Variants in RBM20 observed in about 807,000 individuals in gnomAD.
The protein encoded by RBM20 is RNA-binding protein 20.
RBM20 carries 51 observed loss-of-function variants against 110.1 expected under a neutral mutation model. That is an observed-to-expected ratio of 0.46 (90% CI 0.37 to 0.59). RBM20 has a LOEUF of 0.59. Among genes scored for constraint, RBM20 ranks in the 20% least tolerant of loss-of-function variants. RBM20 has a pLI of 0.00. For synonymous variants in RBM20, 589 were observed against 618.2 expected (o/e 0.95, Z 0.70); for missense variants, 1,512 against 1,574.9 (o/e 0.96, Z 0.68).
chr10:110,769,512 T>A (rs1486421236), intron 1 of RBM20, among the ~76,000 whole-genome samples: 1 of 152,184 alleles, frequency 6.6e-6, no homozygotes, highest in African/African-American at 2.4e-5. Context: ...ACCTTGAGTG[T>A]TTTTATTACA....
At chr10:110,688,206 G>C (rs1862534100) in intron 1 of RBM20, among the ~76,000 whole-genome samples, 1 of 152,172 alleles carries the variant, frequency 6.6e-6, no homozygotes, top group South Asian at 2.1e-4. Context: ...TCTGAAAACA[G>C]AGAGGTTTTT....
chr10:110,797,901 T>C (rs1311258493), intron 6 of RBM20, among the ~76,000 whole-genome samples: 1 of 152,116 alleles, frequency 6.6e-6, no homozygotes, highest in Admixed American at 6.5e-5. Flanking sequence ...TGGAATGAGG[T>C]GCTCATTCAC....
rs534219624 is a variant in RBM20 at position 110,801,658 on chromosome 10, C to T, written c.1800+1740C>T. Among the ~76,000 whole-genome samples the T allele has an allele frequency of 1.0e-4, 15 of 150,362 alleles. No individual in the cohort carries two copies. In the South Asian group the frequency reaches 1.7e-3, roughly 17 times the overall value. ...CAAGCAATTCTCCTTCCCCACCTCCCGAGTAGCTGGGACTACAGGCACACA... is the reference window on the plus strand; with the variant it reads ...CAAGCAATTCTCCTTCCCCACCTCCTGAGTAGCTGGGACTACAGGCACACA... On this transcript the variant is annotated intron_variant, in intron 7 of 13. Transcript: ENST00000369519.
At chr10:110,748,687 C>G (rs76619385) in intron 1 of RBM20, among the ~76,000 whole-genome samples, 21,052 of 152,190 alleles carry the variant, frequency 0.14, 1,863 homozygotes, top group Middle Eastern at 0.22. Context: ...CTCTCTTTCT[C>G]TCTCTCTCGC....
intron 13 of RBM20, chr10:110,831,394 A>C (rs1210548065): frequency 2.4e-5 from 12 of 500,804 alleles, no homozygotes; most frequent in East Asian, 1.3e-4. Flanking sequence ...GAAAACCCCT[A>C]ATCTTCCCAT....
At chr10:110,704,931 T>A (rs1217554724) in intron 1 of RBM20, among the ~76,000 whole-genome samples, 6 of 152,232 alleles carry the variant, frequency 3.9e-5, no homozygotes, top group Non-Finnish European at 1.5e-5. Flanking sequence ...AAGCCATTGA[T>A]TTTTCATGGA....
chr10:110,651,132 C>T (rs563016918), intron 1 of RBM20, among the ~76,000 whole-genome samples: 118 of 152,292 alleles, frequency 7.7e-4, no homozygotes, highest in South Asian at 1.7e-3. Context: ...TTAGGTGGCT[C>T]TTGTGCAAAT....
intron 1 of RBM20, among the ~76,000 whole-genome samples, chr10:110,647,342 T>C (rs1218640230): frequency 6.6e-6 from 1 of 152,212 alleles, no homozygotes; most frequent in Non-Finnish European, 1.5e-5. Flanking sequence ...TTCTCTGGAG[T>C]ACAATGATTT....
rs950210735 is a variant in RBM20, at chr10:110,781,810, G to A, written c.1201G>A (p.Asp401Asn). ...VRPLQAHELNDFHGVAPLHLP... is the reference protein window; with the variant it reads ...VRPLQAHELNNFHGVAPLHLP... ...GCCCCTGCAGGCTCATGAGCTGAAC[G>A]ACTTTCACGGTGTGGCCCCCCTCCA... The change falls in exon 2 of 14, where the codon GAC becomes AAC. Residue 401 changes from aspartate (D) to asparagine (N), a missense_variant. Around this residue, in one of 3 missense-constraint regions of RBM20, gnomAD observed 1,149 missense variants for 1,169.4 expected, o/e 0.98. Transcript: ENST00000369519. 18 of 1,551,662 alleles carry A rather than the reference G, an allele frequency of 1.2e-5. No individual in the cohort carries two copies. The highest frequency in any genetic ancestry group is 4.8e-5 in the South Asian group (4 of 84,074).
chr10:110,777,516 T>C lies in RBM20; in HGVS notation c.192-3285T>C, dbSNP rs150099553. ...CATGTGAAATCACTTCTACTCAAGG[T>C]TGACTAAAGTTGGGAATGATGAAAA... On this transcript the variant is annotated intron_variant, in intron 1 of 13. Transcript: ENST00000369519. Among the ~76,000 whole-genome samples, 24 of 152,302 alleles carry C rather than the reference T, an allele frequency of 1.6e-4. No homozygotes were observed. The East Asian group carries it at 3.1e-3, about 20-fold the overall frequency.
chr10:110,688,808 C>A (rs1052296163), intron 1 of RBM20, among the ~76,000 whole-genome samples: 1 of 152,128 alleles, frequency 6.6e-6, no homozygotes, highest in Non-Finnish European at 1.5e-5. Context: ...ATTCAGATTT[C>A]TTCAGTTTTC....
At chr10:110,795,067 C>T (rs939495584) in intron 5 of RBM20, among the ~76,000 whole-genome samples, 1 of 152,190 alleles carries the variant, frequency 6.6e-6, no homozygotes, top group Non-Finnish European at 1.5e-5. Flanking sequence ...CACAGGCCAA[C>T]CACAGCAAAG....
At chr10:110,730,867 C>T (rs979847009) in intron 1 of RBM20, among the ~76,000 whole-genome samples, 3 of 152,192 alleles carry the variant, frequency 2.0e-5, no homozygotes, top group Non-Finnish European at 4.4e-5. Flanking sequence ...AGGCATCCTT[C>T]CTGGTTTCTT....
intron 1 of RBM20, among the ~76,000 whole-genome samples, chr10:110,777,411 G>A (rs1030994384): frequency 2.0e-5 from 3 of 152,064 alleles, no homozygotes; most frequent in Non-Finnish European, 4.4e-5. Context: ...AGAATTTTAG[G>A]GCTTTAAAAA....
intron 1 of RBM20, among the ~76,000 whole-genome samples, chr10:110,688,532 G>A (rs551066217): frequency 6.6e-6 from 1 of 152,132 alleles, no homozygotes; most frequent in Admixed American, 6.5e-5. Context: ...GCTTAGATTT[G>A]TATGATTTTT....
intron 7 of RBM20, 140 bp from the exon 8 acceptor site, chr10:110,810,243 T>C: frequency 1.5e-6 from 1 of 650,912 alleles, no homozygotes; most frequent in Non-Finnish European, 2.9e-6. Flanking sequence ...ATCCGTTGGA[T>C]TACACCTTTT....
chr10:110,767,189 C>G (rs1418987902), intron 1 of RBM20, among the ~76,000 whole-genome samples: 1 of 128,694 alleles, frequency 7.8e-6, no homozygotes, highest in Non-Finnish European at 1.7e-5. Flanking sequence ...CCCTCCCAGA[C>G]GGGGCGGCTG....
At chr10:110,651,121 A>C (rs1861940385) in intron 1 of RBM20, among the ~76,000 whole-genome samples, 1 of 152,260 alleles carries the variant, frequency 6.6e-6, no homozygotes, top group South Asian at 2.1e-4. Flanking sequence ...CAAGAATAAA[A>C]TTAGGTGGCT....
In RBM20 at chr10:110,644,726, G is replaced by T. The variant is rs958892047; in HGVS notation, c.191+81G>T. 2 of 1,115,858 alleles carry T rather than the reference G, an allele frequency of 1.8e-6. No individual in the cohort carries two copies. The highest frequency in any genetic ancestry group is 2.4e-6 in the Non-Finnish European group (2 of 827,992). 69.1% of individuals were successfully genotyped at this position (1,115,858 alleles called of 1,614,324 possible). On this transcript the variant is annotated intron_variant, in intron 1 of 13. Transcript: ENST00000369519. This position sits in a 1 kb window ranked among gnomAD's most constrained non-coding sequence, Gnocchi z 4.3. ...AGCCCCCTTTGTGGCTTCATTTCCC[G>T]TCCCTGCTGAACTTCGCTCGCCCCC...
Sources: allele counts gnomAD v4.1 joint callset (sites outside exome capture counted in the v4.1 genomes callset), GRCh38; gene constraint gnomAD v4.1.1; regional missense constraint gnomAD v4.1.1; non-coding constraint Gnocchi (gnomAD v3.1); transcripts MANE v1.5; gene names NCBI Gene and HGNC (gene_info 2026-07-23, HGNC 2026-07-21).